Variants in SLAIN2 observed in about 807,000 individuals in gnomAD.
SLAIN2 encodes SLAIN motif-containing protein 2.
In SLAIN2, 31 loss-of-function variants were observed where a neutral mutation model predicts 56.6. The observed-to-expected ratio is 0.55, with a 90% confidence interval of 0.41 to 0.74. The LOEUF (loss-of-function observed/expected upper bound fraction) is 0.74. Ranked by LOEUF, SLAIN2 falls within the 30% of genes least tolerant of loss-of-function variation. The pLI, the probability that SLAIN2 is intolerant of heterozygous loss-of-function variation, is 0.00. For synonymous variants in SLAIN2, 317 were observed against 284.9 expected (o/e 1.11, Z -1.13); for missense variants, 777 against 754.2 (o/e 1.03, Z -0.35).
rs118079811 is a variant in SLAIN2, at chr4:48,342,313, C to T, written c.389+185C>T. Among the ~76,000 whole-genome samples, 102 of 152,336 alleles carry T rather than the reference C, an allele frequency of 6.7e-4. 1 individual carries two copies. In the East Asian group the frequency reaches 0.01, roughly 16 times the overall value. On this transcript the variant is annotated intron_variant, in intron 1 of 7. Transcript: ENST00000264313. ...TGGAGTTGGGGGTTCGAGGCGTGCG[C>T]AAGTAACAGGGTTGTAGCTCGTTGT...
chr4:48,363,963 G>C (rs1255314460), intron 1 of SLAIN2, among the ~76,000 whole-genome samples: 2 of 128,976 alleles, frequency 1.6e-5, no homozygotes, highest in African/African-American at 5.6e-5. Flanking sequence ...GCGGCTGGCC[G>C]GGCAGGGGGC....
chr4:48,362,875 G>A (rs1287344906), intron 1 of SLAIN2, among the ~76,000 whole-genome samples: 1 of 100,388 alleles, frequency 1.0e-5, no homozygotes, highest in Non-Finnish European at 2.0e-5. Context: ...AGTGAACAAA[G>A]GTCTCTGGTT....
chr4:48,378,616 G>A (rs1349423132), intron 3 of SLAIN2, among the ~76,000 whole-genome samples: 1 of 152,138 alleles, frequency 6.6e-6, no homozygotes, highest in Non-Finnish European at 1.5e-5. Context: ...TGTCGCTGAA[G>A]CTGTTGTTAT....
intron 7 of SLAIN2, among the ~76,000 whole-genome samples, chr4:48,421,372 C>A (rs1454355870): frequency 6.6e-6 from 1 of 151,998 alleles, no homozygotes; most frequent in Non-Finnish European, 1.5e-5. Flanking sequence ...GCATCTGTAA[C>A]CTTTCAAGAA....
chr4:48,418,546 A>G (rs1341261635), intron 6 of SLAIN2, among the ~76,000 whole-genome samples: 3 of 151,984 alleles, frequency 2.0e-5, no homozygotes, highest in Non-Finnish European at 2.9e-5. Context: ...GCTGGATTCT[A>G]TTTTCTAATA....
intron 6 of SLAIN2, chr4:48,394,442 TA>T: frequency 1.6e-6 from 1 of 637,696 alleles, no homozygotes; most frequent in Non-Finnish European, 2.6e-6. Context: ...TCTAGGATTC[TA>T]ACATATTTGC....
chr4:48,407,365 G>T (rs186712139), intron 6 of SLAIN2, among the ~76,000 whole-genome samples: 1 of 151,770 alleles, frequency 6.6e-6, no homozygotes, highest in Non-Finnish European at 1.5e-5. Flanking sequence ...CTATTCTTTC[G>T]TATCTTGTAG....
intron 6 of SLAIN2, among the ~76,000 whole-genome samples, chr4:48,418,635 GT>G (rs1375267571): frequency 6.6e-6 from 1 of 151,954 alleles, no homozygotes; most frequent in Admixed American, 6.6e-5. Context: ...TCCTTTTCTA[GT>G]TTTGGTATCT....
At chr4:48,384,847 G>C (rs1716061463) in intron 6 of SLAIN2, among the ~76,000 whole-genome samples, 1 of 152,108 alleles carries the variant, frequency 6.6e-6, no homozygotes, top group Admixed American at 6.5e-5. Flanking sequence ...AAAAATGATA[G>C]GATGATGAGG....
At chr4:48,394,538 C>T in intron 6 of SLAIN2, 1 of 1,496,224 alleles carries the variant, frequency 6.7e-7, no homozygotes, top group Non-Finnish European at 9.0e-7. Flanking sequence ...TTGTCTTGTA[C>T]TTCCAGGCAA....
chr4:48,421,141 CT>C (rs1457746564), intron 7 of SLAIN2, among the ~76,000 whole-genome samples: 1 of 152,010 alleles, frequency 6.6e-6, no homozygotes, highest in Non-Finnish European at 1.5e-5. Context: ...TCAGCACCCC[CT>C]GTAGCTGGGA....
In SLAIN2 at chr4:48,426,131, G is replaced by A. The variant is rs1225628677; in HGVS notation, c.*4054G>A. On this transcript the variant is annotated 3_prime_UTR_variant, in exon 8 of 8. Coordinates refer to ENST00000264313, the MANE Select transcript of SLAIN2 (RefSeq NM_020846.2). Reference sequence around the variant, plus strand: ...GTAACATGGTTATGACATGTTAAGTGGAAGGGTAGAAGGTCTTTTTTTTTT... The same window carrying A: ...GTAACATGGTTATGACATGTTAAGTAGAAGGGTAGAAGGTCTTTTTTTTTT... 1 of 151,798 alleles carries A rather than the reference G, an allele frequency of 6.6e-6. No individual in the cohort carries two copies. Among genetic ancestry groups the A allele is most frequent in the Non-Finnish European group, 1.5e-5 (1 of 67,970 alleles). The allele number at this position is 151,798 out of a possible 1,614,324, so 9.4% of individuals were successfully genotyped here.
chr4:48,383,850 G>A (rs886720582), intron 6 of SLAIN2, 66 bp downstream of exon 6: 5 of 1,505,442 alleles, frequency 3.3e-6, no homozygotes, highest in Middle Eastern at 1.7e-4. Context: ...TTAGATATTT[G>A]TTTTATGCTG....
intron 6 of SLAIN2, among the ~76,000 whole-genome samples, chr4:48,393,986 C>T (rs915044844): frequency 1.3e-5 from 2 of 152,150 alleles, no homozygotes; most frequent in African/African-American, 4.8e-5. Context: ...TCCCCACTTG[C>T]ATACGTATGT....
intron 6 of SLAIN2, among the ~76,000 whole-genome samples, chr4:48,390,089 T>TC (rs905736369): frequency 1.4e-4 from 21 of 150,602 alleles, no homozygotes; most frequent in Admixed American, 5.9e-4. Context: ...TTTTTCTTTT[T>TC]TTTTTTTTTC....
At chr4:48,371,402 T>G (rs2109753886) in intron 2 of SLAIN2, among the ~76,000 whole-genome samples, 1 of 152,276 alleles carries the variant, frequency 6.6e-6, no homozygotes, top group African/African-American at 2.4e-5. Context: ...AGCAATAGCC[T>G]TTATGTGATT....
intron 2 of SLAIN2, among the ~76,000 whole-genome samples, chr4:48,375,761 C>T (rs1240327012): frequency 6.6e-6 from 1 of 152,184 alleles, no homozygotes; most frequent in Non-Finnish European, 1.5e-5. Context: ...TCTGTTTTGT[C>T]CCTGCCCTGT....
At chr4:48,418,272 T>G (rs1404195194) in intron 6 of SLAIN2, among the ~76,000 whole-genome samples, 2 of 152,128 alleles carry the variant, frequency 1.3e-5, no homozygotes, top group Non-Finnish European at 2.9e-5. Context: ...TCTTTCTTCA[T>G]TAAGTATAAT....
chr4:48,342,552 T>G (rs1206518373), intron 1 of SLAIN2, among the ~76,000 whole-genome samples: 5 of 151,698 alleles, frequency 3.3e-5, no homozygotes, highest in Non-Finnish European at 7.4e-5. Flanking sequence ...TCACCAGGTG[T>G]GGGGGTCAGG....
Sources: gnomAD v4.1 joint callset for allele counts (sites outside exome capture counted in the v4.1 genomes callset) on GRCh38, gnomAD v4.1.1 for gene constraint, MANE v1.5 for transcripts, NCBI Gene and HGNC (gene_info 2026-07-23, HGNC 2026-07-21) for gene names.